LRRC4B: variants seen among roughly 807,000 people sequenced by gnomAD.
LRRC4B encodes leucine-rich repeat-containing protein 4B.
Under a neutral mutation model 7.3 loss-of-function variants are expected in LRRC4B, and 1 was observed. The observed-to-expected ratio is 0.14, with a 90% CI of 0.05 to 0.65. LRRC4B has a LOEUF of 0.65. LRRC4B is among the 30% of genes least tolerant of loss of function. The pLI, the probability that LRRC4B is intolerant of heterozygous loss-of-function variation, is 0.84. For synonymous variants in LRRC4B, 500 were observed against 499.2 expected (o/e 1.00, Z -0.02); for missense variants, 730 against 1,041.6 (o/e 0.70, Z 4.12).
At chr19:50,552,904 T>C (rs1467508726) in intron 1 of LRRC4B, among the ~76,000 whole-genome samples, 1 of 152,204 alleles carries the variant, frequency 6.6e-6, no homozygotes, top group African/African-American at 2.4e-5. Context: ...GTGGGGCACA[T>C]TGGTGAGTGC....
intron 1 of LRRC4B, among the ~76,000 whole-genome samples, chr19:50,552,627 T>TCCA (rs1568733892): frequency 5.8e-5 from 6 of 103,332 alleles, no homozygotes; most frequent in South Asian, 2.8e-4. Flanking sequence ...CATCCATCCA[T>TCCA]TCATCCATCC....
intron 2 of LRRC4B, among the ~76,000 whole-genome samples, chr19:50,543,965 G>A (rs1369211389): frequency 2.0e-5 from 3 of 152,120 alleles, no homozygotes; most frequent in African/African-American, 7.2e-5. Flanking sequence ...CAGAACTTTG[G>A]GAGGCCAAGG....
At chr19:50,543,852 C>CAAAAAAAAAAAAAAAAA (rs36044151) in intron 2 of LRRC4B, among the ~76,000 whole-genome samples, 3 of 83,362 alleles carry the variant, frequency 3.6e-5, no homozygotes, top group Admixed American at 1.1e-4. Flanking sequence ...GCCTCCATCT[C>CAAAAAAAAAAAAAAAAA]AAAAAAAAAA....
intron 2 of LRRC4B, among the ~76,000 whole-genome samples, chr19:50,523,554 T>G (rs1797662561): frequency 6.6e-6 from 1 of 151,480 alleles, no homozygotes. Flanking sequence ...GGGGGGTGCC[T>G]GTAATCCCAG....
intron 2 of LRRC4B, among the ~76,000 whole-genome samples, chr19:50,545,661 C>G (rs1981769507): frequency 6.6e-6 from 1 of 150,540 alleles, no homozygotes; most frequent in South Asian, 2.1e-4. Flanking sequence ...TTATTTATAT[C>G]TGGTGATGGA....
At chr19:50,538,404 G>T (rs1981387298) in intron 2 of LRRC4B, among the ~76,000 whole-genome samples, 1 of 152,084 alleles carries the variant, frequency 6.6e-6, no homozygotes, top group Admixed American at 6.6e-5. Flanking sequence ...ACTGGGAAAA[G>T]TCTGTCCAAT....
intron 1 of LRRC4B, among the ~76,000 whole-genome samples, chr19:50,565,829 C>G (rs1325320204): frequency 3.6e-5 from 5 of 140,196 alleles, no homozygotes; most frequent in African/African-American, 9.9e-5. Context: ...GCGTGTGTCC[C>G]CGGCTCCCCG....
rs1453721180 is a variant in LRRC4B, at chr19:50,525,572, A to AT, written c.298-6158dup. The stretch of plus-strand genomic sequence containing the variant: ...AGGCGTCCTCCACCACACCCGGCTA[A>AT]TTTTTGTATTTTTTTTTTTTTTTTT... On this transcript the variant is annotated intron_variant, in intron 2 of 2. Transcript: ENST00000652263. Among the ~76,000 whole-genome samples, 8 of 138,802 alleles carry AT rather than the reference A, an allele frequency of 5.8e-5. No individual in the cohort carries two copies. In the East Asian group the frequency reaches 5.9e-4, roughly 10 times the overall value. The allele number at this position is 138,802 out of a possible 152,430, so 91.1% of individuals were successfully genotyped here. A position where few individuals can be genotyped will look rare whatever the true frequency, so the allele number is the denominator to read the frequency against.
chr19:50,518,084 C>T lies in LRRC4B; in HGVS notation c.1629G>A (p.Pro543=), dbSNP rs1980373810. The T allele has an allele frequency of 3.1e-6, 5 of 1,595,598 alleles. No individual in the cohort carries two copies. Among genetic ancestry groups the T allele is most frequent in the Non-Finnish European group, 4.3e-6 (5 of 1,173,838 alleles). Residue 543 remains proline, a synonymous_variant, in exon 3 of 3, where the codon CCG becomes CCA. Transcript: ENST00000652263. ...CCTTCTCCGTGGGCCGCGAGGAGCG[C>T]GGGGCGGGTGCCGTGGTAGAAGACG... ...PASSSTTAPA[P]RSSRPTEKAF... is the part of the protein sequence containing the mutation.
intron 1 of LRRC4B, among the ~76,000 whole-genome samples, chr19:50,566,367 G>C (rs567234940): frequency 6.6e-6 from 1 of 151,874 alleles, no homozygotes; most frequent in Non-Finnish European, 1.5e-5. Flanking sequence ...CAGCTGGAGA[G>C]GGGGGCGGGG....
At chr19:50,521,902 A>C (rs938425256) in intron 2 of LRRC4B, among the ~76,000 whole-genome samples, 2 of 146,284 alleles carry the variant, frequency 1.4e-5, no homozygotes, top group African/African-American at 4.9e-5. Context: ...AAGGCTGGGC[A>C]TGGTGGCTCA....
rs1246111143 is a variant in LRRC4B at position 50,548,771 on chromosome 19, G to A, written c.68C>T (p.Ala23Val). 6.5e-7 allele frequency: 1 copy of A among 1,532,176 alleles called. No individual in the cohort carries two copies. The highest frequency in any genetic ancestry group is 2.4e-5 in the East Asian group (1 of 41,472). 94.9% of individuals were successfully genotyped at this position (1,532,176 alleles called of 1,614,324 possible). A position where few individuals can be genotyped will look rare whatever the true frequency, so the allele number is the denominator to read the frequency against. Residue 23 changes from alanine to valine, a missense_variant, in exon 2 of 3, where the codon GCA becomes GTA. This residue lies in a region of LRRC4B where 143 missense variants were observed against 158.4 expected (regional missense o/e 0.90). Transcript: ENST00000652263. The surrounding 1 kb of genome is among the most constrained non-coding windows in gnomAD (Gnocchi z 6.8). The stretch of plus-strand genomic sequence containing the variant: ...GGAGAAGAGCCAGAGGAAGAGCAAT[G>A]CCCCGTGGGGCCAGGACATCCTACC... Reference protein sequence around the residue: ...PPGRMSWPHGALLFLWLFSPP... With the variant: ...PPGRMSWPHGVLLFLWLFSPP...
chr19:50,565,807 T>C, intron 1 of LRRC4B, among the ~76,000 whole-genome samples: 1 of 151,530 alleles, frequency 6.6e-6, no homozygotes, highest in East Asian at 1.9e-4. Context: ...GTCTGCTCTC[T>C]GGGTGGGAGT....
chr19:50,543,028 C>T (rs868592335), intron 2 of LRRC4B, among the ~76,000 whole-genome samples: 7 of 152,274 alleles, frequency 4.6e-5, no homozygotes, highest in Admixed American at 6.5e-5. Context: ...CCAGAGCTCA[C>T]GGGAGGGCGT....
intron 1 of LRRC4B, among the ~76,000 whole-genome samples, chr19:50,566,152 A>G (rs1599790307): frequency 1.6e-5 from 2 of 126,194 alleles, no homozygotes; most frequent in African/African-American, 6.1e-5. Context: ...GCTGCGGAAG[A>G]TGCTACAGGA....
rs1982550009 is a variant in LRRC4B at position 50,563,985 on chromosome 19, G to A, written c.-36+3959C>T. ...CTGATGGGGGGATGAAGGAGGAGGG[G>A]CAGAGAGAGGACCCGGCAAGGGAAA... On this transcript the variant is annotated intron_variant, in intron 1 of 2. Coordinates refer to ENST00000652263, the MANE Select transcript of LRRC4B (RefSeq NM_001080457.2). The surrounding 1 kb of genome is among the most constrained non-coding windows in gnomAD (Gnocchi z 4.9). 6.6e-6 allele frequency among the ~76,000 whole-genome samples: 1 copy of A among 152,140 alleles called. No homozygotes were observed. The highest frequency in any genetic ancestry group is 6.6e-5 in the Admixed American group (1 of 15,266).
At chr19:50,520,122 C>T (rs1054415066) in intron 2 of LRRC4B, among the ~76,000 whole-genome samples, 7 of 137,042 alleles carry the variant, frequency 5.1e-5, no homozygotes, top group Non-Finnish European at 9.2e-5. Context: ...GGGAGGATTG[C>T]GTGAGCCTGG....
In LRRC4B at chr19:50,553,294, G is replaced by GC. The variant is rs1982164153; in HGVS notation, c.-35-4422dup. Among the ~76,000 whole-genome samples, 1 of 151,962 alleles carries GC rather than the reference G, an allele frequency of 6.6e-6. No individual in the cohort carries two copies. Among genetic ancestry groups the GC allele is most frequent in the Non-Finnish European group, 1.5e-5 (1 of 67,970 alleles). ...ATCCTGTCAACACCCCATGGACCCT[G>GC]CCCCGCCTCTGCTCCACAGCCTTCC... On this transcript the variant is annotated intron_variant, in intron 1 of 2. Coordinates refer to ENST00000652263, the MANE Select transcript of LRRC4B (RefSeq NM_001080457.2). This position sits in a 1 kb window ranked among gnomAD's most constrained non-coding sequence, Gnocchi z 4.2.
intron 1 of LRRC4B, among the ~76,000 whole-genome samples, chr19:50,558,226 CATACACACACACAT>C (rs1260214110): frequency 6.9e-6 from 1 of 145,476 alleles, no homozygotes; most frequent in South Asian, 2.1e-4. Flanking sequence ...CACACACACA[CATACACACACACAT>C]ACATACATAC....
Sources: allele counts gnomAD v4.1 joint callset (sites outside exome capture counted in the v4.1 genomes callset), GRCh38; gene constraint gnomAD v4.1.1; regional missense constraint gnomAD v4.1.1; non-coding constraint Gnocchi (gnomAD v3.1); transcripts MANE v1.5; gene names NCBI Gene and HGNC (gene_info 2026-07-23, HGNC 2026-07-21).